Variants in SCMH1 observed in about 807,000 individuals in gnomAD.
SCMH1 encodes polycomb protein SCMH1.
A neutral mutation model predicts 70.8 loss-of-function variants in SCMH1; 37 were observed. The ratio of observed to expected loss-of-function variants is 0.52; its 90% confidence interval spans 0.40 to 0.69. The LOEUF is 0.69. Ranked by LOEUF, SCMH1 falls within the 30% of genes least tolerant of loss-of-function variation. The pLI, the probability that SCMH1 is intolerant of heterozygous loss-of-function variation, is 0.00. For synonymous variants in SCMH1, 292 were observed against 307.4 expected (o/e 0.95, Z 0.52); for missense variants, 607 against 827.3 (o/e 0.73, Z 3.27).
At position 41,064,100 on chromosome 1, in the gene SCMH1, C is replaced by G. The variant is rs577992947; in HGVS notation, c.1105+6495G>C. ...CAAGGCTGACTCAACATTCAAAAAT[C>G]AATTAATATAATCTATCATATCAAC... On this transcript the variant is annotated intron_variant, in intron 10 of 14. Coordinates refer to ENST00000337495, the Ensembl canonical transcript of SCMH1. Among the ~76,000 whole-genome samples, 12 of 152,248 alleles carry G rather than the reference C, an allele frequency of 7.9e-5. No individual in the cohort carries two copies. In the South Asian group the frequency reaches 2.5e-3, roughly 32 times the overall value.
intron 1 of SCMH1, among the ~76,000 whole-genome samples, chr1:41,190,676 GC>G (rs1024095561): frequency 6.6e-6 from 1 of 152,148 alleles, no homozygotes; most frequent in African/African-American, 2.4e-5. Flanking sequence ...GTGTGTGTGT[GC>G]ATGTATGTAT....
rs80286180 is a variant in SCMH1 at position 41,045,232 on chromosome 1, A to G, written c.1498+1175T>C. On this transcript the variant is annotated intron_variant, in intron 12 of 14. Transcript: ENST00000337495. ...GAGACTCTGGTACTGAAAGAAAGCA[A>G]TCTAGCATGGGTTAGGTGAGGAGAA... is the stretch of plus-strand genomic sequence containing the variant. Among the ~76,000 whole-genome samples, 450 of 152,278 alleles carry G rather than the reference A, an allele frequency of 3.0e-3. 3 individuals are homozygous for G. Among genetic ancestry groups the G allele is most frequent in the African/African-American group, 0.01 (430 of 41,542 alleles).
intron 1 of SCMH1, among the ~76,000 whole-genome samples, chr1:41,214,174 T>C (rs1227463236): frequency 6.6e-6 from 1 of 152,112 alleles, no homozygotes; most frequent in African/African-American, 2.4e-5. Flanking sequence ...CAGTGAACAT[T>C]AAGCCTGAGA....
intron 6 of SCMH1, among the ~76,000 whole-genome samples, chr1:41,139,138 G>A (rs1269111650): frequency 6.6e-6 from 1 of 152,008 alleles, no homozygotes; most frequent in Non-Finnish European, 1.5e-5. Flanking sequence ...CCCCAGGACT[G>A]CCATCTCCAG....
chr1:41,062,599 C>T (rs545857299), intron 10 of SCMH1, among the ~76,000 whole-genome samples: 2 of 152,082 alleles, frequency 1.3e-5, no homozygotes, highest in South Asian at 4.2e-4. Context: ...ATTAGCTGGG[C>T]ATGGTGGCGC....
At chr1:41,073,099 A>C (rs1657085181) in intron 9 of SCMH1, among the ~76,000 whole-genome samples, 1 of 152,202 alleles carries the variant, frequency 6.6e-6, no homozygotes, top group African/African-American at 2.4e-5. Flanking sequence ...GCAATCACAG[A>C]ATCAGTTTTT....
rs558250411 is a variant in SCMH1, at chr1:41,113,963, T to C, written c.502-437A>G. Reference sequence around the variant, plus strand: ...TTGCTTTTTGTTTAGCAGTATGTTTTTGAAATCTGCCCATGTTGATAAATT... The same window carrying C: ...TTGCTTTTTGTTTAGCAGTATGTTTCTGAAATCTGCCCATGTTGATAAATT... On this transcript the variant is annotated intron_variant, in intron 7 of 14. Coordinates refer to ENST00000337495, the Ensembl canonical transcript of SCMH1. The surrounding 1 kb of genome is among the most constrained non-coding windows in gnomAD (Gnocchi z 4.3). Among the ~76,000 whole-genome samples, 1 of 152,250 alleles carries C rather than the reference T, an allele frequency of 6.6e-6. No homozygotes were observed. Among genetic ancestry groups the C allele is most frequent in the Non-Finnish European group, 1.5e-5 (1 of 68,048 alleles).
chr1:41,067,458 CAAAAAAAAAA>C (rs60607308), intron 10 of SCMH1, among the ~76,000 whole-genome samples: 1 of 60,302 alleles, frequency 1.7e-5, no homozygotes, highest in East Asian at 4.2e-4. Context: ...ACAACAACAA[CAAAAAAAAAA>C]AAAAAAAAAA....
intron 6 of SCMH1, among the ~76,000 whole-genome samples, chr1:41,132,236 C>T (rs1642457901): frequency 6.6e-6 from 1 of 152,156 alleles, no homozygotes; most frequent in African/African-American, 2.4e-5. Flanking sequence ...TAATGATCGC[C>T]ATTCTAACTG....
intron 13 of SCMH1, among the ~76,000 whole-genome samples, chr1:41,036,499 C>T (rs755804853): frequency 7.9e-5 from 12 of 152,214 alleles, no homozygotes; most frequent in Non-Finnish European, 1.3e-4. Context: ...CTGTCTCTGC[C>T]CTAACCCAGG....
intron 8 of SCMH1, among the ~76,000 whole-genome samples, chr1:41,088,021 T>G (rs1345711128): frequency 6.7e-6 from 1 of 150,300 alleles, no homozygotes; most frequent in Non-Finnish European, 1.5e-5. Context: ...GAAACTATAT[T>G]GATTGTATAC....
intron 1 of SCMH1, among the ~76,000 whole-genome samples, chr1:41,209,514 C>T (rs755697802): frequency 6.6e-6 from 1 of 152,204 alleles, no homozygotes; most frequent in Non-Finnish European, 1.5e-5. Context: ...AAAGCTTATC[C>T]ACCACAATCA....
intron 13 of SCMH1, among the ~76,000 whole-genome samples, chr1:41,029,449 C>T (rs750998793): frequency 2.3e-4 from 35 of 152,318 alleles, no homozygotes; most frequent in African/African-American, 7.7e-4. Flanking sequence ...ATCTGCCTGC[C>T]GTGGCCTCCC....
intron 1 of SCMH1, among the ~76,000 whole-genome samples, chr1:41,208,952 G>C (rs747503613): frequency 3.3e-5 from 5 of 151,988 alleles, no homozygotes; most frequent in Non-Finnish European, 7.4e-5. Context: ...CTGGTTTTTT[G>C]AAAAGATCAA....
intron 1 of SCMH1, among the ~76,000 whole-genome samples, chr1:41,226,893 T>A (rs1174365403): frequency 2.0e-5 from 3 of 151,996 alleles, no homozygotes; most frequent in Non-Finnish European, 4.4e-5. Context: ...ATCTAAACAA[T>A]GAATAGACAA....
intron 6 of SCMH1, among the ~76,000 whole-genome samples, chr1:41,122,900 G>T (rs554050783): frequency 2.6e-5 from 4 of 152,230 alleles, no homozygotes; most frequent in Admixed American, 1.3e-4. Flanking sequence ...TCTTTAAACT[G>T]GCCAGCTGAT....
intron 4 of SCMH1, among the ~76,000 whole-genome samples, chr1:41,153,348 A>G (rs1198544336): frequency 6.6e-6 from 1 of 152,194 alleles, no homozygotes; most frequent in African/African-American, 2.4e-5. Context: ...TAATTAACTT[A>G]AATTTAAATC....
intron 1 of SCMH1, among the ~76,000 whole-genome samples, chr1:41,211,171 C>A (rs184470678): frequency 6.6e-6 from 1 of 152,180 alleles, no homozygotes; most frequent in East Asian, 1.9e-4. Context: ...CAAATGGGAC[C>A]TAATTAAACT....
chr1:41,109,444 G>A (rs1668738857), intron 8 of SCMH1, among the ~76,000 whole-genome samples: 1 of 152,198 alleles, frequency 6.6e-6, no homozygotes, highest in Non-Finnish European at 1.5e-5. Context: ...CTTGTTTTGT[G>A]AAATGAATTG....
Sources: gnomAD v4.1 joint callset for allele counts (sites outside exome capture counted in the v4.1 genomes callset) on GRCh38, gnomAD v4.1.1 for gene constraint, Gnocchi (gnomAD v3.1) non-coding constraint, MANE v1.5 for transcripts, NCBI Gene and HGNC (gene_info 2026-07-23, HGNC 2026-07-21) for gene names.